MIPOL1: variants seen among roughly 807,000 people sequenced by gnomAD.
The protein encoded by MIPOL1 is mirror-image polydactyly 1.
In MIPOL1, 57 loss-of-function variants were observed where a neutral mutation model predicts 60.9. That is an observed-to-expected ratio of 0.94 (90% CI 0.76 to 1.17). The LOEUF is 1.17. Ranked by LOEUF, MIPOL1 falls within the 50% of genes most tolerant of loss-of-function variation. The pLI is 0.00. For missense variants in MIPOL1, 551 were observed against 511.6 expected, an observed-to-expected ratio of 1.08 and a Z score of -0.74; for synonymous variants, 179 against 168.8, an observed-to-expected ratio of 1.06 and a Z score of -0.47.
intron 9 of MIPOL1, among the ~76,000 whole-genome samples, chr14:37,351,782 T>G (rs2091409607): frequency 1.6e-5 from 2 of 122,430 alleles, no homozygotes; most frequent in African/African-American, 6.1e-5. Flanking sequence ...TAAATTTGTT[T>G]GAGTTCATTG....
At chr14:37,475,397 T>C (rs994581252) in intron 11 of MIPOL1, among the ~76,000 whole-genome samples, 6 of 152,230 alleles carry the variant, frequency 3.9e-5, no homozygotes, top group African/African-American at 1.4e-4. Flanking sequence ...AACAGTGCCT[T>C]TTGTAGCACA....
In MIPOL1 at chr14:37,247,910, A is replaced by G; in HGVS notation, c.19+3A>G. The G allele has an allele frequency of 1.2e-6, 2 of 1,613,064 alleles. No homozygotes were observed. The highest frequency in any genetic ancestry group is 8.5e-7 in the Non-Finnish European group (1 of 1,179,338). ...ACAAATGGAGAACTGGTCAAAAGGT[A>G]AGGACTTTTAAGGTATTAATACCAA... On this transcript the variant is annotated splice_donor_region_variant and intron_variant, in intron 3 of 12. Transcript: ENST00000684589.
chr14:37,215,749 C>T (rs1967546209), intron 1 of MIPOL1, among the ~76,000 whole-genome samples: 1 of 152,142 alleles, frequency 6.6e-6, no homozygotes. Flanking sequence ...AAACACACTT[C>T]ACCTATGAAG....
chr14:37,247,901 T>C lies in MIPOL1; in HGVS notation c.13T>C (p.Ser5Pro), dbSNP rs1344245254. The change falls in exon 3 of 13, where the codon TCA becomes CCA. Residue 5 changes from serine (S) to proline (P), a missense_variant. Transcript: ENST00000684589. ...AACAGAAATACAAATGGAGAACTGG[T>C]CAAAAGGTAAGGACTTTTAAGGTAT... MENWSKDITHSYLEQ... is the reference protein window; with the variant it reads MENWPKDITHSYLEQ... 6.2e-7 allele frequency: 1 copy of C among 1,613,244 alleles called. No individual in the cohort carries two copies. Among genetic ancestry groups the C allele is most frequent in the Admixed American group, 1.7e-5 (1 of 59,954 alleles).
At chr14:37,532,824 A>G (rs1053399026) in intron 12 of MIPOL1, among the ~76,000 whole-genome samples, 5 of 152,138 alleles carry the variant, frequency 3.3e-5, no homozygotes, top group Admixed American at 1.3e-4. Flanking sequence ...TAGCTTATGT[A>G]TATATATGAT....
At chr14:37,266,675 C>A (rs913103289) in intron 3 of MIPOL1, among the ~76,000 whole-genome samples, 1 of 152,082 alleles carries the variant, frequency 6.6e-6, no homozygotes, top group Non-Finnish European at 1.5e-5. Flanking sequence ...GGACCACTGC[C>A]AACTATAAAA....
chr14:37,266,056 T>A (rs1340453010), intron 3 of MIPOL1, among the ~76,000 whole-genome samples: 1 of 152,066 alleles, frequency 6.6e-6, no homozygotes, highest in African/African-American at 2.4e-5. Flanking sequence ...TAATAAAACT[T>A]CAAGGGGTTA....
intron 12 of MIPOL1, among the ~76,000 whole-genome samples, chr14:37,531,654 A>G (rs2095480076): frequency 6.6e-6 from 1 of 152,216 alleles, no homozygotes; most frequent in South Asian, 2.1e-4. Flanking sequence ...TGATCTAAGG[A>G]AAAATAACAA....
chr14:37,298,186 A>T (rs1188016172), intron 7 of MIPOL1, among the ~76,000 whole-genome samples: 1 of 152,186 alleles, frequency 6.6e-6, no homozygotes, highest in Non-Finnish European at 1.5e-5. Flanking sequence ...ACCTGAGAAA[A>T]ACAAGCAATG....
intron 12 of MIPOL1, chr14:37,505,778 T>C (rs567553810): frequency 1.2e-4 from 18 of 152,118 alleles, no homozygotes; most frequent in African/African-American, 3.9e-4. Context: ...GAGAAAGAAA[T>C]AAAGGGTATT....
chr14:37,436,196 CTGACA>C (rs1281995959), intron 11 of MIPOL1, among the ~76,000 whole-genome samples: 1 of 152,050 alleles, frequency 6.6e-6, no homozygotes, highest in Non-Finnish European at 1.5e-5. Flanking sequence ...AACTATTAAC[CTGACA>C]TTCTTCTTCC....
intron 9 of MIPOL1, among the ~76,000 whole-genome samples, chr14:37,336,530 T>A (rs1193229224): frequency 6.6e-6 from 1 of 151,868 alleles, no homozygotes; most frequent in Admixed American, 6.6e-5. Context: ...TTTTTCGTTC[T>A]TTCTTAAAAT....
At chr14:37,233,575 A>G (rs1970961975) in intron 1 of MIPOL1, among the ~76,000 whole-genome samples, 2 of 152,176 alleles carry the variant, frequency 1.3e-5, no homozygotes, top group East Asian at 1.9e-4. Flanking sequence ...TAGCTGACGA[A>G]AAATGAATGC....
intron 12 of MIPOL1, among the ~76,000 whole-genome samples, chr14:37,514,991 C>T (rs1013809525): frequency 2.6e-5 from 4 of 152,096 alleles, no homozygotes; most frequent in Middle Eastern, 3.4e-3. Flanking sequence ...TCTAAGATTC[C>T]GTAATTGGTT....
chr14:37,425,372 A>C lies in MIPOL1; in HGVS notation c.1031+2423A>C, dbSNP rs113804769. ...CATAAAGCTAAAATTCTTGTTTTTC[A>C]AATACTCTTTAAAATCTACATGAGT... On this transcript the variant is annotated intron_variant, in intron 11 of 12. Transcript: ENST00000684589. Among the ~76,000 whole-genome samples the C allele has an allele frequency of 3.2e-3, 485 of 152,342 alleles. 4 individuals are homozygous for C. Among genetic ancestry groups the C allele is most frequent in the Middle Eastern group, 0.031 (9 of 294 alleles).
At chr14:37,405,247 G>A (rs1421081963) in intron 10 of MIPOL1, among the ~76,000 whole-genome samples, 1 of 151,996 alleles carries the variant, frequency 6.6e-6, no homozygotes, top group Non-Finnish European at 1.5e-5. Context: ...AAGGAAACAG[G>A]GGATTCTTTT....
At chr14:37,501,592 C>T (rs1461917358) in intron 12 of MIPOL1, 1 of 152,128 alleles carries the variant, frequency 6.6e-6, no homozygotes, top group East Asian at 1.9e-4. Context: ...AATATCATCT[C>T]AGATAATGTT....
At chr14:37,269,533 T>A (rs1305806808) in intron 5 of MIPOL1, among the ~76,000 whole-genome samples, 1 of 152,022 alleles carries the variant, frequency 6.6e-6, no homozygotes, top group African/African-American at 2.4e-5. Context: ...TAAAAAAACA[T>A]GTGGAGGGAT....
At chr14:37,514,578 C>G (rs1566753362) in intron 12 of MIPOL1, among the ~76,000 whole-genome samples, 1 of 151,880 alleles carries the variant, frequency 6.6e-6, no homozygotes, top group Non-Finnish European at 1.5e-5. Context: ...ATTAAACACA[C>G]AGATTAGATA....
Sources: allele counts gnomAD v4.1 joint callset (sites outside exome capture counted in the v4.1 genomes callset), GRCh38; gene constraint gnomAD v4.1.1; transcripts MANE v1.5; gene names NCBI Gene and HGNC (gene_info 2026-07-23, HGNC 2026-07-21).